The following PPFIA1 variants were observed in gnomAD, a reference collection of about 807,000 sequenced individuals.
PPFIA1 encodes the protein liprin-alpha-1.
PPFIA1 carries 25 observed loss-of-function variants against 149.9 expected under a neutral mutation model. The observed-to-expected ratio is 0.17, with a 90% CI of 0.12 to 0.23. The LOEUF is 0.23. Ranked by LOEUF, PPFIA1 falls within the 10% of genes least tolerant of loss-of-function variation. The pLI is 1.00. For missense variants in PPFIA1, 1,362 were observed against 1,506.5 expected, an observed-to-expected ratio of 0.90 and a Z score of 1.59; for synonymous variants, 549 against 552.8, an observed-to-expected ratio of 0.99 and a Z score of 0.10.
Position 70,308,117 on chromosome 11 carries a change from C to T in PPFIA1, c.265-16285C>T, listed in dbSNP as rs372180122. On this transcript the variant is annotated intron_variant, in intron 2 of 27. Coordinates refer to ENST00000253925, the MANE Select transcript of PPFIA1 (RefSeq NM_003626.5). ...AGGCTGGAGTGCAATGGTGCGATCT[C>T]GGCTCACCGCAACCTTCGCCTCCTG... Among the ~76,000 whole-genome samples the T allele has an allele frequency of 8.5e-5, 13 of 152,312 alleles. No homozygotes were observed. The East Asian group carries it at 2.5e-3, about 29-fold the overall frequency.
At chr11:70,338,705 C>G (rs1444375908) in intron 13 of PPFIA1, among the ~76,000 whole-genome samples, 3 of 152,246 alleles carry the variant, frequency 2.0e-5, no homozygotes, top group Non-Finnish European at 4.4e-5. Flanking sequence ...AGGTGCCCAG[C>G]AGAGTGTGAC....
At chr11:70,370,144 T>A (rs1314962356) in intron 21 of PPFIA1, among the ~76,000 whole-genome samples, 1 of 151,766 alleles carries the variant, frequency 6.6e-6, no homozygotes, top group East Asian at 1.9e-4. Context: ...AGAGAAGAGG[T>A]TTCGCCATGT....
chr11:70,320,680 T>G (rs1018388466), intron 2 of PPFIA1, among the ~76,000 whole-genome samples: 2 of 152,118 alleles, frequency 1.3e-5, no homozygotes, highest in Non-Finnish European at 2.9e-5. Context: ...CAAGCAGTCC[T>G]CCAACCTTGG....
At chr11:70,277,053 TA>T (rs2050433643) in intron 2 of PPFIA1, among the ~76,000 whole-genome samples, 1 of 35,448 alleles carries the variant, frequency 2.8e-5, no homozygotes, top group African/African-American at 1.0e-4. Flanking sequence ...TATATATATA[TA>T]TATATATTTT....
chr11:70,354,330 T>A lies in PPFIA1; in HGVS notation c.2193T>A (p.Asp731Glu), dbSNP rs775868490. 80 of 1,613,834 alleles carry A rather than the reference T, an allele frequency of 5.0e-5. No individual in the cohort carries two copies. The South Asian group carries it at 8.1e-4, about 16-fold the overall frequency. Residue 731 changes from aspartate (D) to glutamate (E), a missense_variant, in exon 17 of 28, where the codon GAT becomes GAA. Asp to Glu is a conservative substitution (Grantham distance 45, BLOSUM62 2). Around this residue, in one of 7 missense-constraint regions of PPFIA1, gnomAD observed 733 missense variants for 744.1 expected, o/e 0.99. Coordinates refer to ENST00000253925, the MANE Select transcript of PPFIA1 (RefSeq NM_003626.5). ...CACCTTCCAGAGAAGAGGTACGAGA[T>A]GACAAGACAACCATAAAGTGTGAAA... is the stretch of plus-strand genomic sequence containing the variant. Reference protein sequence around the residue: ...LLPPSREEVRDDKTTIKCETS... With the variant: ...LLPPSREEVREDKTTIKCETS...
chr11:70,354,575 G>C, intron 17 of PPFIA1, 123 bp downstream of exon 17: 1 of 1,113,700 alleles, frequency 9.0e-7, no homozygotes, highest in Non-Finnish European at 1.2e-6. Flanking sequence ...TAATTCAGTT[G>C]AGTGTATTTA....
intron 25 of PPFIA1, among the ~76,000 whole-genome samples, 193 bp downstream of exon 25, chr11:70,376,793 C>T (rs1287520019): frequency 6.6e-6 from 1 of 152,108 alleles, no homozygotes; most frequent in African/African-American, 2.4e-5. Context: ...ATACCTGGGC[C>T]GGGCACGGCG....
At chr11:70,365,137 G>A in intron 21 of PPFIA1, 1 of 192,276 alleles carries the variant, frequency 5.2e-6, no homozygotes, top group East Asian at 1.5e-4. Context: ...CACATACCTC[G>A]GGTAAGCATG....
chr11:70,325,070 C>G, intron 4 of PPFIA1, 59 bp downstream of exon 4: 1 of 1,452,112 alleles, frequency 6.9e-7, no homozygotes, highest in Non-Finnish European at 9.1e-7. Flanking sequence ...GCCAGCTTCA[C>G]AAGTGTTGGT....
At chr11:70,364,099 A>G (rs2056800682) in intron 21 of PPFIA1, among the ~76,000 whole-genome samples, 2 of 152,190 alleles carry the variant, frequency 1.3e-5, no homozygotes, top group Admixed American at 6.5e-5. Context: ...TAAAAACTAA[A>G]GGGGAAAATA....
chr11:70,321,903 CTT>C (rs1302497962), intron 2 of PPFIA1, among the ~76,000 whole-genome samples: 4 of 152,174 alleles, frequency 2.6e-5, no homozygotes, highest in African/African-American at 7.2e-5. Context: ...GAGTTTCGCT[CTT>C]GTTGCCCAGG....
chr11:70,365,624 C>T lies in PPFIA1; in HGVS notation c.2865+3136C>T, dbSNP rs1349048025. Reference sequence around the variant, plus strand: ...TTTTATTTTAGATTTTTTCCAGGAACTTCAAGTTGGTAGACTCTGTCTTTT... The same window carrying T: ...TTTTATTTTAGATTTTTTCCAGGAATTTCAAGTTGGTAGACTCTGTCTTTT... On this transcript the variant is annotated intron_variant, in intron 21 of 27. Transcript: ENST00000253925. 8.4e-6 allele frequency: 3 copies of T among 357,050 alleles called. No homozygotes were observed. The East Asian group carries it at 2.2e-4, about 26-fold the overall frequency. 22.1% of individuals were successfully genotyped at this position (357,050 alleles called of 1,614,324 possible). A position where few individuals can be genotyped will look rare whatever the true frequency, so the allele number is the denominator to read the frequency against.
At chr11:70,290,180 A>C (rs2051430760) in intron 2 of PPFIA1, among the ~76,000 whole-genome samples, 1 of 152,202 alleles carries the variant, frequency 6.6e-6, no homozygotes, top group African/African-American at 2.4e-5. Context: ...CAGTGATCCA[A>C]GATCATACCA....
intron 7 of PPFIA1, 48 bp downstream of exon 7, chr11:70,326,866 G>A (rs776321472): frequency 1.3e-6 from 2 of 1,504,062 alleles, no homozygotes; most frequent in Non-Finnish European, 1.8e-6. Flanking sequence ...TGTATGTTTG[G>A]GACGTTTTAG....
At chr11:70,350,332 G>A (rs925272147) in intron 16 of PPFIA1, among the ~76,000 whole-genome samples, 2 of 144,482 alleles carry the variant, frequency 1.4e-5, no homozygotes, top group East Asian at 1.9e-4. Flanking sequence ...TCTGATGATT[G>A]TGTTCAAGAC....
At chr11:70,344,134 G>C (rs931593374) in intron 15 of PPFIA1, among the ~76,000 whole-genome samples, 8 of 152,280 alleles carry the variant, frequency 5.3e-5, no homozygotes, top group Non-Finnish European at 1.0e-4. Context: ...GGACATTGTG[G>C]GACCTGAGAG....
intron 25 of PPFIA1, 134 bp downstream of exon 25, chr11:70,376,734 T>A: frequency 1.2e-6 from 1 of 830,760 alleles, no homozygotes. Context: ...ATGTTAGAAG[T>A]CAGGCTTTGC....
At chr11:70,378,404 G>A (rs2057574863) in intron 26 of PPFIA1, 8 of 1,290,148 alleles carry the variant, frequency 6.2e-6, no homozygotes, top group Non-Finnish European at 6.9e-6. Context: ...AAACACGCTT[G>A]TCTGGTTGAA....
chr11:70,340,174 G>A (rs1161391207), intron 14 of PPFIA1, among the ~76,000 whole-genome samples: 1 of 151,832 alleles, frequency 6.6e-6, no homozygotes, highest in Admixed American at 6.6e-5. Context: ...GGGTGTGGTA[G>A]TGTGTGCCTA....
Sources: allele counts gnomAD v4.1 joint callset (sites outside exome capture counted in the v4.1 genomes callset), GRCh38; gene constraint gnomAD v4.1.1; regional missense constraint gnomAD v4.1.1; transcripts MANE v1.5; gene names NCBI Gene and HGNC (gene_info 2026-07-23, HGNC 2026-07-21).